The following HS3ST3A1 variants were observed in gnomAD, a reference collection of about 807,000 sequenced individuals.
HS3ST3A1 encodes the protein heparan sulfate glucosamine 3-O-sulfotransferase 3A1.
HS3ST3A1 carries 19 observed loss-of-function variants against 25.7 expected under a neutral mutation model. That is an observed-to-expected ratio of 0.74 (90% CI 0.52 to 1.08). HS3ST3A1 has a LOEUF of 1.08. Among genes scored for constraint, HS3ST3A1 ranks in the 50% least tolerant of loss-of-function variants. The probability of loss-of-function intolerance (pLI) is 0.00; values close to 1 mark genes in which losing one functional copy is unlikely to be tolerated. For missense variants in HS3ST3A1, 459 were observed against 594.3 expected (o/e 0.77, Z 2.37); for synonymous variants, 226 against 278.6 (o/e 0.81, Z 1.88).
At chr17:13,570,875 T>G (rs944944239) in intron 1 of HS3ST3A1, among the ~76,000 whole-genome samples, 3 of 152,240 alleles carry the variant, frequency 2.0e-5, no homozygotes, top group Non-Finnish European at 4.4e-5. Flanking sequence ...GTTTTGTTTT[T>G]TAATCACAAC....
chr17:13,507,078 A>C (rs1484159344), intron 1 of HS3ST3A1, among the ~76,000 whole-genome samples: 3 of 151,322 alleles, frequency 2.0e-5, no homozygotes, highest in African/African-American at 4.9e-5. Flanking sequence ...CCAAAAAAAA[A>C]AAAAAAAACA....
intron 1 of HS3ST3A1, among the ~76,000 whole-genome samples, chr17:13,500,705 T>C (rs1267709271): frequency 6.6e-6 from 1 of 152,158 alleles, no homozygotes; most frequent in Non-Finnish European, 1.5e-5. Flanking sequence ...AGACCAACAC[T>C]ATAAGGAAAA....
Position 13,600,855 on chromosome 17 carries a change from T to C in HS3ST3A1, c.275A>G (p.Gln92Arg), listed in dbSNP as rs1011587352. The C allele has an allele frequency of 6.9e-7, 1 of 1,441,192 alleles. No homozygotes were observed. The highest frequency in any genetic ancestry group is 3.2e-5 in the Admixed American group (1 of 31,622). 89.3% of individuals were successfully genotyped at this position (1,441,192 alleles called of 1,614,324 possible). A position where few individuals can be genotyped will look rare whatever the true frequency, so the allele number is the denominator to read the frequency against. The part of the protein sequence containing the change: ...PAAAQRKRLL[Q>R]LPQWRRRRPP... ...CCGGCGCCTCCGCCACTGCGGCAGTTGCAGGAGGCGCTTTCTCTGTGCCGC... is the reference window on the plus strand; with the variant it reads ...CCGGCGCCTCCGCCACTGCGGCAGTCGCAGGAGGCGCTTTCTCTGTGCCGC... The change falls in exon 1 of 2, where the codon CAA (glutamine) becomes CGA (arginine). Residue 92 changes from glutamine (Q) to arginine (R), a missense_variant. By Grantham distance (43) the Gln-to-Arg change is conservative. Coordinates refer to ENST00000284110, the MANE Select transcript of HS3ST3A1 (RefSeq NM_006042.3).
intron 1 of HS3ST3A1, among the ~76,000 whole-genome samples, chr17:13,585,840 GTTTTTTTT>G (rs1207776880): frequency 0.012 from 770 of 61,980 alleles, 13 homozygotes; most frequent in African/African-American, 0.064. Context: ...CTCCTTCTGC[GTTTTTTTT>G]TTTTTTTTTT....
chr17:13,600,676 G>A lies in HS3ST3A1; in HGVS notation c.454C>T (p.Leu152=). The part of the protein sequence containing the change: ...ALLLDEGSKQ[L]PQAIIIGVKK... The stretch of plus-strand genomic sequence containing the variant: ...ACTCCGATGATGATGGCCTGCGGCA[G>A]CTGCTTGCTGCCTTCGTCCAGGAGC... Residue 152 remains leucine, a synonymous_variant, in exon 1 of 2, where the codon CTG becomes TTG. Coordinates refer to ENST00000284110, the MANE Select transcript of HS3ST3A1 (RefSeq NM_006042.3). 1.3e-6 allele frequency: 2 copies of A among 1,585,420 alleles called. No individual in the cohort carries two copies. Among genetic ancestry groups the A allele is most frequent in the Middle Eastern group, 1.7e-4 (1 of 5,930 alleles).
intron 1 of HS3ST3A1, among the ~76,000 whole-genome samples, chr17:13,518,111 G>T (rs963437334): frequency 6.6e-6 from 1 of 152,138 alleles, no homozygotes; most frequent in African/African-American, 2.4e-5. Context: ...ACTGGAGGGT[G>T]AGGTAGGAAG....
chr17:13,514,050 T>C (rs1905967542), intron 1 of HS3ST3A1, among the ~76,000 whole-genome samples: 1 of 152,114 alleles, frequency 6.6e-6, no homozygotes, highest in Non-Finnish European at 1.5e-5. Context: ...TGTTTTCAAT[T>C]AGACCATTTC....
chr17:13,578,353 G>A (rs1017219228), intron 1 of HS3ST3A1, among the ~76,000 whole-genome samples: 11 of 145,508 alleles, frequency 7.6e-5, no homozygotes, highest in African/African-American at 2.8e-4. Flanking sequence ...TTCAAGACCA[G>A]CCCGGCCAAC....
intron 1 of HS3ST3A1, among the ~76,000 whole-genome samples, chr17:13,524,790 T>C (rs968501786): frequency 3.3e-5 from 5 of 152,174 alleles, no homozygotes; most frequent in Admixed American, 2.0e-4. Context: ...TTTATTCACA[T>C]TCCTACAAAT....
chr17:13,555,592 T>C (rs932903685), intron 1 of HS3ST3A1, among the ~76,000 whole-genome samples: 1 of 152,202 alleles, frequency 6.6e-6, no homozygotes, highest in Non-Finnish European at 1.5e-5. Flanking sequence ...AAGTCGATGT[T>C]AGACTGTATT....
chr17:13,516,328 A>G (rs953634149), intron 1 of HS3ST3A1, among the ~76,000 whole-genome samples: 2 of 152,172 alleles, frequency 1.3e-5, no homozygotes, highest in Non-Finnish European at 2.9e-5. Context: ...AAAAAAATAA[A>G]TAAATAAATA....
intron 1 of HS3ST3A1, among the ~76,000 whole-genome samples, chr17:13,585,957 C>T (rs1908254203): frequency 6.7e-6 from 1 of 148,616 alleles, no homozygotes; most frequent in African/African-American, 2.5e-5. Flanking sequence ...TCAAGCAATT[C>T]CCCTACCTCA....
At chr17:13,571,584 G>C (rs1021928770) in intron 1 of HS3ST3A1, among the ~76,000 whole-genome samples, 1 of 152,162 alleles carries the variant, frequency 6.6e-6, no homozygotes, top group African/African-American at 2.4e-5. Context: ...TCCTCAGAGG[G>C]ATCAGGAAAT....
intron 1 of HS3ST3A1, among the ~76,000 whole-genome samples, chr17:13,531,422 C>T (rs1267130826): frequency 6.6e-6 from 1 of 152,086 alleles, no homozygotes; most frequent in Non-Finnish European, 1.5e-5. Context: ...ACCCACATCC[C>T]GATATCTGAG....
chr17:13,500,777 G>A (rs747989287), intron 1 of HS3ST3A1, among the ~76,000 whole-genome samples: 6 of 152,124 alleles, frequency 3.9e-5, no homozygotes, highest in Non-Finnish European at 4.4e-5. Context: ...TTTCACAAGC[G>A]AATTAAGAAT....
intron 1 of HS3ST3A1, among the ~76,000 whole-genome samples, chr17:13,542,569 A>T (rs1033292058): frequency 7.2e-5 from 11 of 151,842 alleles, no homozygotes; most frequent in African/African-American, 2.7e-4. Flanking sequence ...GAGACAATAA[A>T]CTGTTGTTTA....
intron 1 of HS3ST3A1, among the ~76,000 whole-genome samples, chr17:13,566,177 G>A (rs944128817): frequency 3.9e-5 from 6 of 152,136 alleles, no homozygotes; most frequent in African/African-American, 1.2e-4. Flanking sequence ...CACATGCTGT[G>A]TCTCTGTGTC....
At chr17:13,512,943 A>AT (rs1905925830) in intron 1 of HS3ST3A1, among the ~76,000 whole-genome samples, 1 of 152,080 alleles carries the variant, frequency 6.6e-6, no homozygotes, top group Non-Finnish European at 1.5e-5. Flanking sequence ...AGATTTATAT[A>AT]TTTTTTCTGT....
chr17:13,539,673 A>G (rs948848993), intron 1 of HS3ST3A1, among the ~76,000 whole-genome samples: 5 of 152,174 alleles, frequency 3.3e-5, no homozygotes, highest in South Asian at 2.1e-4. Context: ...AATCAAGCAC[A>G]AAGAAGACAA....
Sources: allele counts gnomAD v4.1 joint callset (sites outside exome capture counted in the v4.1 genomes callset), GRCh38; gene constraint gnomAD v4.1.1; transcripts MANE v1.5; gene names NCBI Gene and HGNC (gene_info 2026-07-23, HGNC 2026-07-21).